The following GUCY2D variants were observed in gnomAD, a reference collection of about 807,000 sequenced individuals.
GUCY2D encodes the protein guanylate cyclase 2D, retinal.
In GUCY2D, 70 loss-of-function variants were observed where a neutral mutation model predicts 101.3. The observed-to-expected ratio is 0.69, with a 90% CI of 0.57 to 0.84. GUCY2D has a LOEUF of 0.84. Among genes scored for constraint, GUCY2D ranks in the 40% least tolerant of loss-of-function variants. The probability of loss-of-function intolerance (pLI) is 0.00; values close to 1 mark genes in which losing one functional copy is unlikely to be tolerated. For synonymous variants in GUCY2D, 688 were observed against 670.7 expected, an observed-to-expected ratio of 1.03 and a Z score of -0.40; for missense variants, 1,460 against 1,542.5, an observed-to-expected ratio of 0.95 and a Z score of 0.90.
chr17:8,007,670 C>G, intron 6 of GUCY2D, 142 bp downstream of exon 6: 1 of 662,586 alleles, frequency 1.5e-6, no homozygotes, highest in Non-Finnish European at 2.7e-6. Context: ...GTCTAGGGAT[C>G]AGCACCCTCA....
At chr17:8,016,372 C>T in intron 18 of GUCY2D, 71 bp from the exon 19 acceptor site, 4 of 1,433,976 alleles carry the variant, frequency 2.8e-6, no homozygotes, top group African/African-American at 1.4e-5. Flanking sequence ...GCGCGCGAGG[C>T]AGCGATGACG....
chr17:8,018,302 G>A (rs1310569007), intron 19 of GUCY2D, among the ~76,000 whole-genome samples: 1 of 152,136 alleles, frequency 6.6e-6, no homozygotes, highest in African/African-American at 2.4e-5. Flanking sequence ...GGCCAGGGTC[G>A]GCACTGCCTG....
At chr17:8,005,890 T>C (rs1975727541) in intron 3 of GUCY2D, among the ~76,000 whole-genome samples, 1 of 152,052 alleles carries the variant, frequency 6.6e-6, no homozygotes, top group South Asian at 2.1e-4. Context: ...TTTTGTTTAG[T>C]TTTTTTGTTT....
rs1975902631 is a variant in GUCY2D, at chr17:8,013,721, C to G, written c.2264-159C>G. 1.5e-6 allele frequency: 1 copy of G among 678,106 alleles called. No individual in the cohort carries two copies. The highest frequency in any genetic ancestry group is 2.6e-6 in the Non-Finnish European group (1 of 379,278). The allele number at this position is 678,106 out of a possible 1,614,324, so 42.0% of individuals were successfully genotyped here. ...TTCCTCCTAGCAACCCCCTTCCACA[C>G]TATACTCTCCCTCCACACACACACA... On this transcript the variant is annotated intron_variant, in intron 11 of 19. Transcript: ENST00000254854. This position sits in a 1 kb window ranked among gnomAD's most constrained non-coding sequence, Gnocchi z 5.0.
intron 9 of GUCY2D, 50 bp downstream of exon 9, chr17:8,012,400 G>C (rs775878637): frequency 1.2e-6 from 2 of 1,611,730 alleles, no homozygotes; most frequent in Non-Finnish European, 1.7e-6. Context: ...GGGATGGGGA[G>C]CAAGGGAACC....
chr17:8,014,831 A>C lies in GUCY2D; in HGVS notation c.2577-28A>C. Reference sequence around the variant, plus strand: ...AGCCCAGCCAGGTAGAGTGGCCCCCAGGTGACCTCACTGCCTGCCATCCCT... The same window carrying C: ...AGCCCAGCCAGGTAGAGTGGCCCCCCGGTGACCTCACTGCCTGCCATCCCT... On this transcript the variant is annotated intron_variant, in intron 13 of 19. Transcript: ENST00000254854. The surrounding 1 kb of genome is among the most constrained non-coding windows in gnomAD (Gnocchi z 4.0). 6.2e-7 allele frequency: 1 copy of C among 1,613,716 alleles called. No individual in the cohort carries two copies. The highest frequency in any genetic ancestry group is 8.5e-7 in the Non-Finnish European group (1 of 1,179,740).
At chr17:8,006,915 C>A in intron 4 of GUCY2D, 145 bp from the exon 5 acceptor site, 1 of 820,298 alleles carries the variant, frequency 1.2e-6, no homozygotes. Flanking sequence ...AGCCTCTCCC[C>A]TTTGAGGAAC....
intron 18 of GUCY2D, 43 bp from the exon 19 acceptor site, chr17:8,016,400 C>A: frequency 1.4e-6 from 2 of 1,454,294 alleles, no homozygotes; most frequent in Non-Finnish European, 1.9e-6. Context: ...TGCCCTCCCA[C>A]GCCCCATTCC....
In GUCY2D at chr17:8,002,988, T is replaced by C. The variant is rs1281136046; in HGVS notation, c.-9-51T>C. ...AAACTCGGGGTTACGGGGAGAACCC[T>C]AGGGGAGGCCGGGGTCTCAGTCGCT... On this transcript the variant is annotated intron_variant, in intron 1 of 19. Coordinates refer to ENST00000254854, the MANE Select transcript of GUCY2D (RefSeq NM_000180.4). This position sits in a 1 kb window ranked among gnomAD's most constrained non-coding sequence, Gnocchi z 4.9. 4.3e-6 allele frequency: 6 copies of C among 1,397,758 alleles called. No homozygotes were observed. Among genetic ancestry groups the C allele is most frequent in the Non-Finnish European group, 5.8e-6 (6 of 1,031,140 alleles). The allele number at this position is 1,397,758 out of a possible 1,614,324, so 86.6% of individuals were successfully genotyped here.
At chr17:8,007,845 A>T in intron 6 of GUCY2D, 86 bp from the exon 7 acceptor site, 1 of 830,036 alleles carries the variant, frequency 1.2e-6, no homozygotes, top group Non-Finnish European at 2.1e-6. Context: ...TCCCATCTTT[A>T]AATCCCCAAA....
chr17:8,008,294 C>T (rs1280458515), intron 7 of GUCY2D, among the ~76,000 whole-genome samples: 1 of 152,088 alleles, frequency 6.6e-6, no homozygotes, highest in East Asian at 1.9e-4. Flanking sequence ...CACAGTGACC[C>T]AGAGACTGGA....
intron 9 of GUCY2D, 35 bp from the exon 10 acceptor site, chr17:8,012,414 CA>C (rs1254966356): frequency 6.2e-7 from 1 of 1,613,024 alleles, no homozygotes; most frequent in Admixed American, 1.7e-5. Context: ...GGGAACCAAG[CA>C]GGCTGAGGCT....
In GUCY2D at chr17:8,014,546, G is replaced by T. The variant is rs1975922298; in HGVS notation, c.2413-55G>T. 2 of 1,568,186 alleles carry T rather than the reference G, an allele frequency of 1.3e-6. No homozygotes were observed. The highest frequency in any genetic ancestry group is 2.2e-5 in the South Asian group (2 of 90,072). On this transcript the variant is annotated intron_variant, in intron 12 of 19. Transcript: ENST00000254854. The surrounding 1 kb of genome is among the most constrained non-coding windows in gnomAD (Gnocchi z 4.0). Reference sequence around the variant, plus strand: ...AGAGGGCCCATGAGGGGGGCATAAAGAGGGCATGGCAACCCAGGTCTTCAG... The same window carrying T: ...AGAGGGCCCATGAGGGGGGCATAAATAGGGCATGGCAACCCAGGTCTTCAG...
In GUCY2D at chr17:8,003,536, T is replaced by G. The variant is rs1567957174; in HGVS notation, c.489T>G (p.Pro163=). The G allele has an allele frequency of 1.3e-6, 2 of 1,547,536 alleles. No individual in the cohort carries two copies. The highest frequency in any genetic ancestry group is 1.9e-5 in the Admixed American group (1 of 53,278). ...CGCAGGCGGAGGGCACCACGGCCCCTGCCGTGACCCCCGCCGCGGATGCCC... is the reference window on the plus strand; with the variant it reads ...CGCAGGCGGAGGGCACCACGGCCCCGGCCGTGACCCCCGCCGCGGATGCCC... ...PWTQAEGTTA[P]AVTPAADALY... The change falls in exon 2 of 20, where the codon CCT becomes CCG. Residue 163 remains proline (P), a synonymous_variant. Transcript: ENST00000254854.
At chr17:8,017,971 G>T (rs1010004525) in intron 19 of GUCY2D, among the ~76,000 whole-genome samples, 2 of 152,194 alleles carry the variant, frequency 1.3e-5, no homozygotes, top group African/African-American at 4.8e-5. Context: ...TGGGATTACA[G>T]GTGTGAGACA....
rs1460913139 is a variant in GUCY2D, at chr17:8,016,517, G to A, written c.3299G>A (p.Gly1100Asp). Residue 1100 changes from glycine to aspartate, a missense_variant, in exon 19 of 20, where the codon GGC (glycine) becomes GAC (aspartate). Physicochemically the swap from Gly to Asp is moderately conservative, Grantham distance 94. This residue lies in a region of GUCY2D where 215 missense variants were observed against 227.9 expected (regional missense o/e 0.94). Transcript: ENST00000254854. ...RRRKLEKARP[G>D]QFS ...CGGAAGCTGGAGAAGGCGCGGCCGGGCCAGTTCTCTTGAGAAGTGAGGCCC... is the reference window on the plus strand; with the variant it reads ...CGGAAGCTGGAGAAGGCGCGGCCGGACCAGTTCTCTTGAGAAGTGAGGCCC... 1 of 1,567,758 alleles carries A rather than the reference G, an allele frequency of 6.4e-7. No homozygotes were observed. The highest frequency in any genetic ancestry group is 2.3e-5 in the East Asian group (1 of 42,786).
chr17:8,010,907 C>G (rs1975839461), intron 8 of GUCY2D, among the ~76,000 whole-genome samples: 1 of 152,000 alleles, frequency 6.6e-6, no homozygotes, highest in South Asian at 2.1e-4. Flanking sequence ...GCTAAGCCAC[C>G]TTTTTTTCTA....
At chr17:8,005,643 A>G (rs1453940958) in intron 3 of GUCY2D, among the ~76,000 whole-genome samples, 1 of 152,104 alleles carries the variant, frequency 6.6e-6, no homozygotes, top group African/African-American at 2.4e-5. Context: ...TAGGGTGGGG[A>G]CACCCATTCC....
At chr17:8,019,193 A>C (rs780965711) in intron 19 of GUCY2D, among the ~76,000 whole-genome samples, 1 of 152,140 alleles carries the variant, frequency 6.6e-6, no homozygotes, top group Non-Finnish European at 1.5e-5. Flanking sequence ...CTGTGTGGAT[A>C]GAGCTCTCAG....
Sources: gnomAD v4.1 joint callset for allele counts (sites outside exome capture counted in the v4.1 genomes callset) on GRCh38, gnomAD v4.1.1 for gene constraint, gnomAD v4.1.1 regional missense constraint, Gnocchi (gnomAD v3.1) non-coding constraint, MANE v1.5 for transcripts, NCBI Gene and HGNC (gene_info 2026-07-23, HGNC 2026-07-21) for gene names.